Variants in LRRC4C observed in about 807,000 individuals in gnomAD.
LRRC4C encodes the protein leucine-rich repeat-containing protein 4C.
LRRC4C carries 5 observed loss-of-function variants against 33.6 expected under a neutral mutation model. The observed-to-expected ratio is 0.15, with a 90% CI of 0.08 to 0.31. The LOEUF is 0.31. LRRC4C is among the 10% of genes least tolerant of loss of function. The pLI, the probability that LRRC4C is intolerant of heterozygous loss-of-function variation, is 1.00. For synonymous variants in LRRC4C, 329 were observed against 302.0 expected, an observed-to-expected ratio of 1.09 and a Z score of -0.93; for missense variants, 560 against 796.7, an observed-to-expected ratio of 0.70 and a Z score of 3.58.
intron 1 of LRRC4C, among the ~76,000 whole-genome samples, chr11:41,425,092 C>G (rs1355880186): frequency 1.3e-5 from 2 of 152,022 alleles, no homozygotes; most frequent in Non-Finnish European, 2.9e-5. Context: ...GTTTCACGAC[C>G]ATCAAAAGTT....
At chr11:40,596,162 A>G (rs532250471) in intron 3 of LRRC4C, among the ~76,000 whole-genome samples, 63 of 152,324 alleles carry the variant, frequency 4.1e-4, no homozygotes, top group Non-Finnish European at 7.6e-4. Flanking sequence ...ACTTGGTTTG[A>G]CATAAAACCC....
intron 2 of LRRC4C, among the ~76,000 whole-genome samples, chr11:40,664,342 C>T (rs570009582): frequency 3.9e-5 from 6 of 152,060 alleles, no homozygotes; most frequent in South Asian, 2.1e-4. Flanking sequence ...GTCAGGAGTT[C>T]GAGACCAGCC....
At chr11:41,419,657 A>T (rs903135837) in intron 1 of LRRC4C, among the ~76,000 whole-genome samples, 4 of 151,972 alleles carry the variant, frequency 2.6e-5, no homozygotes, top group African/African-American at 9.7e-5. Flanking sequence ...CTCTGCCCTA[A>T]TTATTCTTCT....
intron 3 of LRRC4C, among the ~76,000 whole-genome samples, chr11:40,453,829 AC>A (rs1399809412): frequency 6.6e-6 from 1 of 152,180 alleles, no homozygotes; most frequent in Non-Finnish European, 1.5e-5. Context: ...GTACATTGGT[AC>A]CACAATTCTT....
chr11:40,229,066 G>T (rs755916959), intron 5 of LRRC4C, among the ~76,000 whole-genome samples: 1 of 152,084 alleles, frequency 6.6e-6, no homozygotes, highest in East Asian at 1.9e-4. Context: ...AGTCACTTGG[G>T]AACTCAGAAA....
At chr11:40,814,623 A>G (rs1951632753) in intron 2 of LRRC4C, among the ~76,000 whole-genome samples, 1 of 151,094 alleles carries the variant, frequency 6.6e-6, no homozygotes, top group Non-Finnish European at 1.5e-5. Flanking sequence ...TTTCTTTTCT[A>G]TTGCATTGTC....
chr11:41,083,302 A>G (rs1383709918), intron 1 of LRRC4C, among the ~76,000 whole-genome samples: 1 of 152,098 alleles, frequency 6.6e-6, no homozygotes, highest in African/African-American at 2.4e-5. Context: ...GAGTTACCAT[A>G]TGCGAGTTAC....
chr11:40,869,114 G>A (rs888660486), intron 2 of LRRC4C, among the ~76,000 whole-genome samples: 1 of 152,048 alleles, frequency 6.6e-6, no homozygotes, highest in Non-Finnish European at 1.5e-5. Flanking sequence ...ATGGAAAGAA[G>A]TTAAAAAACA....
chr11:40,730,214 G>A (rs1947491675), intron 2 of LRRC4C, among the ~76,000 whole-genome samples: 3 of 151,916 alleles, frequency 2.0e-5, no homozygotes, highest in Non-Finnish European at 1.5e-5. Flanking sequence ...TAACTAACCT[G>A]CACACTGTGC....
chr11:41,135,838 G>A (rs904210102), intron 1 of LRRC4C, among the ~76,000 whole-genome samples: 6 of 152,116 alleles, frequency 3.9e-5, no homozygotes, highest in African/African-American at 9.7e-5. Flanking sequence ...TCCAGAGATA[G>A]GACCATTTTT....
intron 1 of LRRC4C, among the ~76,000 whole-genome samples, chr11:41,320,043 T>C (rs766115333): frequency 5.8e-4 from 89 of 152,224 alleles, no homozygotes; most frequent in African/African-American, 2.1e-3. Context: ...GAGACAGATA[T>C]AAAAAAGTAT....
At chr11:40,308,284 G>A (rs1045906275) in intron 4 of LRRC4C, among the ~76,000 whole-genome samples, 3 of 152,150 alleles carry the variant, frequency 2.0e-5, no homozygotes, top group East Asian at 1.9e-4. Context: ...ATGCATGGCC[G>A]CTGATGCAGT....
intron 2 of LRRC4C, among the ~76,000 whole-genome samples, chr11:40,736,039 G>A (rs1056551087): frequency 3.3e-5 from 5 of 151,942 alleles, no homozygotes; most frequent in Middle Eastern, 3.4e-3. Flanking sequence ...GAGTTCATAC[G>A]TTCTGGGATA....
At chr11:41,233,316 TA>T (rs1275757530) in intron 1 of LRRC4C, among the ~76,000 whole-genome samples, 2 of 152,066 alleles carry the variant, frequency 1.3e-5, no homozygotes, top group East Asian at 3.9e-4. Flanking sequence ...ATGTTGGCCT[TA>T]GGGGGAAAAA....
chr11:40,644,233 G>A (rs35794157), intron 3 of LRRC4C, among the ~76,000 whole-genome samples: 3,944 of 152,190 alleles, frequency 0.026, 76 homozygotes, highest in Non-Finnish European at 0.042. Context: ...TAGCATGGCC[G>A]TAAAGCGCAA....
chr11:41,085,226 A>C (rs914112372), intron 1 of LRRC4C, among the ~76,000 whole-genome samples: 2 of 152,200 alleles, frequency 1.3e-5, no homozygotes, highest in African/African-American at 4.8e-5. Flanking sequence ...TTAATTTCCA[A>C]ATCCTCTTGA....
intron 4 of LRRC4C, among the ~76,000 whole-genome samples, chr11:40,243,687 C>T (rs112738966): frequency 8.1e-4 from 95 of 117,162 alleles, no homozygotes; most frequent in African/African-American, 2.8e-3. Context: ...AAACTTATAT[C>T]TTTTTTTTTT....
At chr11:41,101,475 G>A (rs991726447) in intron 1 of LRRC4C, among the ~76,000 whole-genome samples, 3 of 152,064 alleles carry the variant, frequency 2.0e-5, no homozygotes. Context: ...GAGAATGGCT[G>A]TTATTAAAAA....
At chr11:40,593,286 A>G (rs1959140539) in intron 3 of LRRC4C, among the ~76,000 whole-genome samples, 1 of 152,242 alleles carries the variant, frequency 6.6e-6, no homozygotes. Flanking sequence ...AGAGAGATCT[A>G]TTAAACCTTA....
Sources: allele counts gnomAD v4.1 joint callset (sites outside exome capture counted in the v4.1 genomes callset), GRCh38; gene constraint gnomAD v4.1.1; transcripts MANE v1.5; gene names NCBI Gene and HGNC (gene_info 2026-07-23, HGNC 2026-07-21).